CAST: variants seen among roughly 807,000 people sequenced by gnomAD.
The protein encoded by CAST is MIR583 host.
A neutral mutation model predicts 119.6 loss-of-function variants in CAST; 76 were observed. The ratio of observed to expected loss-of-function variants is 0.64; its 90% CI spans 0.53 to 0.77. The LOEUF (loss-of-function observed/expected upper bound fraction) is 0.77, where lower values mean the gene tolerates loss of function less well. CAST is among the 30% of genes least tolerant of loss of function. The pLI, the probability that CAST is intolerant of heterozygous loss-of-function variation, is 0.00. For synonymous variants in CAST, 319 were observed against 331.6 expected, an observed-to-expected ratio of 0.96 and a Z score of 0.41; for missense variants, 953 against 946.5, an observed-to-expected ratio of 1.01 and a Z score of -0.09.
the CAST span, among the ~76,000 whole-genome samples, chr5:96,359,809 T>C: frequency 6.6e-6 from 1 of 152,292 alleles, no homozygotes; most frequent in South Asian, 2.1e-4. Flanking sequence ...AGATTATGTG[T>C]CTTGGGGTTG....
the CAST span, among the ~76,000 whole-genome samples, chr5:95,987,775 A>G: frequency 6.6e-6 from 1 of 152,198 alleles, no homozygotes; most frequent in South Asian, 2.1e-4. Flanking sequence ...AGATGGGTCT[A>G]TTGCTGTGCT....
At chr5:96,264,789 G>A in the CAST span, among the ~76,000 whole-genome samples, 1 of 152,160 alleles carries the variant, frequency 6.6e-6, no homozygotes, top group African/African-American at 2.4e-5. Flanking sequence ...AATCTCACGT[G>A]TATATGCTTT....
At chr5:96,559,403 G>T (rs1052036972) in intron 1 of CAST, among the ~76,000 whole-genome samples, 18 of 152,088 alleles carry the variant, frequency 1.2e-4, no homozygotes, top group African/African-American at 4.1e-4. Flanking sequence ...AGTTAGGAAA[G>T]GAGGAAGTCA....
intron 1 of CAST, among the ~76,000 whole-genome samples, chr5:96,623,655 G>A (rs1034797641): frequency 6.6e-6 from 1 of 152,048 alleles, no homozygotes; most frequent in Admixed American, 6.6e-5. Flanking sequence ...ATACCTTATT[G>A]GAAGAAAAGG....
intron 1 of CAST, among the ~76,000 whole-genome samples, chr5:96,644,828 A>G (rs574948453): frequency 6.2e-4 from 95 of 152,268 alleles, no homozygotes; most frequent in African/African-American, 2.2e-3. Context: ...TACAAAAATT[A>G]GCCTAGCAGT....
the CAST span, among the ~76,000 whole-genome samples, chr5:96,040,310 A>T: frequency 2.0e-5 from 3 of 152,296 alleles, no homozygotes; most frequent in African/African-American, 7.2e-5. Context: ...CAATCATGTC[A>T]TCTGCAAACA....
chr5:96,714,172 G>A (rs1315281509), intron 3 of CAST, among the ~76,000 whole-genome samples: 1 of 152,068 alleles, frequency 6.6e-6, no homozygotes, highest in African/African-American at 2.4e-5. Context: ...TATGAAGTAG[G>A]TATCTTTTTT....
chr5:96,732,890 G>A (rs1038490186), intron 9 of CAST, among the ~76,000 whole-genome samples: 2 of 152,312 alleles, frequency 1.3e-5, no homozygotes, highest in Non-Finnish European at 2.9e-5. Flanking sequence ...GCAAGTGAAG[G>A]AACAATGAGA....
At chr5:96,265,155 G>A in the CAST span, among the ~76,000 whole-genome samples, 1 of 152,116 alleles carries the variant, frequency 6.6e-6, no homozygotes, top group Non-Finnish European at 1.5e-5. Context: ...CCATATGAGA[G>A]TTCTGCTCTC....
the CAST span, among the ~76,000 whole-genome samples, chr5:96,084,989 G>A: frequency 6.6e-6 from 1 of 152,190 alleles, no homozygotes; most frequent in Non-Finnish European, 1.5e-5. Context: ...GCGATAGGAA[G>A]GCCCTGAATT....
the CAST span, among the ~76,000 whole-genome samples, chr5:96,333,093 C>T: frequency 0.27 from 41,234 of 151,680 alleles, 6,445 homozygotes; most frequent in Admixed American, 0.4. Flanking sequence ...TTCCCTGATT[C>T]CATTAATATC....
the CAST span, among the ~76,000 whole-genome samples, chr5:96,402,082 A>G: frequency 6.6e-6 from 1 of 152,198 alleles, no homozygotes; most frequent in Non-Finnish European, 1.5e-5. Context: ...AACAATCATC[A>G]GGGGAGTCTG....
chr5:96,681,870 T>C (rs988460700), intron 2 of CAST, among the ~76,000 whole-genome samples: 1 of 152,236 alleles, frequency 6.6e-6, no homozygotes, highest in Non-Finnish European at 1.5e-5. Flanking sequence ...CCCTTGTTTC[T>C]TCCTAAACCT....
chr5:96,558,310 G>A (rs1416723024), intron 1 of CAST, among the ~76,000 whole-genome samples: 1 of 151,944 alleles, frequency 6.6e-6, no homozygotes, highest in African/African-American at 2.4e-5. Flanking sequence ...AGAAGCAAGA[G>A]CAAACACATT....
intron 1 of CAST, among the ~76,000 whole-genome samples, chr5:96,593,178 G>C (rs1746994996): frequency 6.6e-6 from 1 of 152,208 alleles, no homozygotes; most frequent in African/African-American, 2.4e-5. Context: ...CAATGCTTTA[G>C]TGTGCCTTGT....
chr5:96,612,834 AAAC>A (rs1747387515), intron 1 of CAST, among the ~76,000 whole-genome samples: 1 of 152,194 alleles, frequency 6.6e-6, no homozygotes, highest in Non-Finnish European at 1.5e-5. Flanking sequence ...TGTATGATAT[AAAC>A]AAGAAGTCTA....
the CAST span, among the ~76,000 whole-genome samples, chr5:96,336,298 G>A: frequency 6.6e-6 from 1 of 152,106 alleles, no homozygotes; most frequent in African/African-American, 2.4e-5. Context: ...TTACTCCAGT[G>A]TATTAGGTTA....
chr5:96,467,002 T>A, the CAST span, among the ~76,000 whole-genome samples: 1 of 152,332 alleles, frequency 6.6e-6, no homozygotes, highest in East Asian at 1.9e-4. Context: ...AAGAATGTGT[T>A]GTCATACATT....
At chr5:96,659,695 G>T (rs985442916), upstream of CAST, among the ~76,000 whole-genome samples, 1 of 151,894 alleles carries the variant, frequency 6.6e-6, no homozygotes, top group Non-Finnish European at 1.5e-5. Context: ...TGCCCAGCTA[G>T]TTTTTTGTAT....
Sources: gnomAD v4.1 joint callset for allele counts (sites outside exome capture counted in the v4.1 genomes callset) on GRCh38, gnomAD v4.1.1 for gene constraint, MANE v1.5 for transcripts, NCBI Gene and HGNC (gene_info 2026-07-23, HGNC 2026-07-21) for gene names.